The following ESRRG variants were observed in gnomAD, a reference collection of about 807,000 sequenced individuals.
ESRRG encodes the protein estrogen related receptor gamma.
In ESRRG, 13 loss-of-function variants were observed where a neutral mutation model predicts 44.0. The observed-to-expected ratio is 0.30, with a 90% confidence interval of 0.19 to 0.47. ESRRG has a LOEUF of 0.47. Among genes scored for constraint, ESRRG ranks in the 20% least tolerant of loss-of-function variants. ESRRG has a pLI of 1.00. For synonymous variants in ESRRG, 215 were observed against 214.6 expected, an observed-to-expected ratio of 1.00 and a Z score of -0.02; for missense variants, 395 against 580.6, an observed-to-expected ratio of 0.68 and a Z score of 3.29.
At chr1:216,517,981 T>C (rs913674108) in intron 6 of ESRRG, among the ~76,000 whole-genome samples, 2 of 152,132 alleles carry the variant, frequency 1.3e-5, no homozygotes, top group African/African-American at 4.8e-5. Context: ...CATGCATCAA[T>C]ATTGTAGATG....
At chr1:216,711,170 A>C (rs956082288) in intron 1 of ESRRG, among the ~76,000 whole-genome samples, 1 of 152,178 alleles carries the variant, frequency 6.6e-6, no homozygotes, top group Non-Finnish European at 1.5e-5. Context: ...GCAGGTGGGC[A>C]AGGAAAGCTC....
intron 2 of ESRRG, among the ~76,000 whole-genome samples, chr1:216,867,992 TA>T (rs2096196899): frequency 6.6e-6 from 1 of 150,946 alleles, no homozygotes; most frequent in Non-Finnish European, 1.5e-5. Context: ...GTGAATGTCA[TA>T]AAATGGGATA....
intron 2 of ESRRG, among the ~76,000 whole-genome samples, chr1:216,733,248 A>G (rs1466560547): frequency 1.4e-5 from 2 of 138,914 alleles, no homozygotes; most frequent in Admixed American, 7.2e-5. Context: ...GTATAAGGGC[A>G]TTTTTTTTTT....
At chr1:216,852,206 A>G (rs1360349675) in intron 2 of ESRRG, among the ~76,000 whole-genome samples, 1 of 152,194 alleles carries the variant, frequency 6.6e-6, no homozygotes, top group Non-Finnish European at 1.5e-5. Flanking sequence ...CATCATCACC[A>G]CCTTTAAAGA....
rs35043282 is a variant in ESRRG, at chr1:216,891,794, CTTT to C, written c.-14+47785_-14+47787del. On this transcript the variant is annotated intron_variant, in intron 2 of 7. Transcript: ENST00000359162. ...AAATATACTCTTAGTGTGGTGCCCG[CTTT>C]TTTTTTTTTTTTTTTTTTTTGAGAT... Among the ~76,000 whole-genome samples, 311 of 102,358 alleles carry C rather than the reference CTTT, an allele frequency of 3.0e-3. 1 individual carries two copies. Among genetic ancestry groups the C allele is most frequent in the African/African-American group, 0.013 (304 of 23,084 alleles). The allele number at this position is 102,358 out of a possible 152,430, so 67.2% of individuals were successfully genotyped here. A position where few individuals can be genotyped will look rare whatever the true frequency, so the allele number is the denominator to read the frequency against.
chr1:216,763,911 C>A (rs560704376), intron 2 of ESRRG, among the ~76,000 whole-genome samples: 9 of 152,074 alleles, frequency 5.9e-5, no homozygotes, highest in African/African-American at 1.9e-4. Flanking sequence ...ATATTTAGCA[C>A]CGAGTAGGTA....
intron 2 of ESRRG, among the ~76,000 whole-genome samples, chr1:216,888,275 G>A (rs970105309): frequency 6.6e-6 from 1 of 152,080 alleles, no homozygotes; most frequent in Non-Finnish European, 1.5e-5. Context: ...CCAATTCTGG[G>A]CTTCCTTTTC....
chr1:216,863,992 C>G (rs1297997850), intron 2 of ESRRG: 1 of 152,172 alleles, frequency 6.6e-6, no homozygotes, highest in African/African-American at 2.4e-5. Flanking sequence ...GACATCCTAG[C>G]TTCCCTGATC....
intron 3 of ESRRG, among the ~76,000 whole-genome samples, chr1:216,618,239 T>A (rs900989864): frequency 6.6e-6 from 1 of 152,238 alleles, no homozygotes; most frequent in African/African-American, 2.4e-5. Context: ...AAAGAACAGA[T>A]ATATTATGGA....
At chr1:217,021,221 A>G (rs1186186515) in intron 1 of ESRRG, among the ~76,000 whole-genome samples, 1 of 152,170 alleles carries the variant, frequency 6.6e-6, no homozygotes, top group Admixed American at 6.5e-5. Flanking sequence ...TAGTGGGACT[A>G]GCTGGTTGCC....
chr1:216,562,933 G>T (rs2059049796), intron 5 of ESRRG, among the ~76,000 whole-genome samples: 1 of 152,028 alleles, frequency 6.6e-6, no homozygotes, highest in African/African-American at 2.4e-5. Flanking sequence ...CTTACATCTT[G>T]CAGTAAATCC....
In ESRRG at chr1:216,545,992, T is replaced by A. The variant is rs147672102; in HGVS notation, c.862+18227A>T. Among the ~76,000 whole-genome samples, 1,173 of 152,204 alleles carry A rather than the reference T, an allele frequency of 7.7e-3. 7 individuals carry two copies. The highest frequency in any genetic ancestry group is 0.027 in the African/African-American group (1,114 of 41,556). On this transcript the variant is annotated intron_variant, in intron 5 of 6. Transcript: ENST00000408911. ...ATAATAAAACTATCCTACTTATGTA[T>A]TAATTTATAAGATTTGCAAAATTGA...
chr1:217,002,112 G>A (rs1303481740), intron 1 of ESRRG, among the ~76,000 whole-genome samples: 7 of 151,902 alleles, frequency 4.6e-5, no homozygotes, highest in Admixed American at 2.0e-4. Flanking sequence ...GACCAGCCTG[G>A]TCAACACGGC....
chr1:216,923,458 A>AT (rs553118420), intron 2 of ESRRG, among the ~76,000 whole-genome samples: 48 of 150,016 alleles, frequency 3.2e-4, no homozygotes, highest in African/African-American at 6.6e-4. Context: ...ACTTTTCTGC[A>AT]TTTTTTTTTT....
intron 3 of ESRRG, among the ~76,000 whole-genome samples, chr1:216,580,842 A>C (rs1480226391): frequency 6.6e-6 from 1 of 152,224 alleles, no homozygotes. Flanking sequence ...CATTAATGAA[A>C]CAGAAGAGCA....
In ESRRG at chr1:217,015,731, A is replaced by AATTTTT. The variant is rs759911532; in HGVS notation, c.-106+73775_-106+73776insAAAAAT. On this transcript the variant is annotated intron_variant, in intron 1 of 7. Transcript: ENST00000359162. ...GTGGGGGGTGAGAGGGGGCAGCTAG[A>AATTTTT]TTTTTTTTTTTTTTTGAGACAGAGT... 1.5e-4 allele frequency among the ~76,000 whole-genome samples: 21 copies of AATTTTT among 142,110 alleles called. 1 individual carries two copies. Among genetic ancestry groups the AATTTTT allele is most frequent in the Admixed American group, 2.1e-4 (3 of 14,138 alleles). The allele number at this position is 142,110 out of a possible 152,430, so 93.2% of individuals were successfully genotyped here. A position where few individuals can be genotyped will look rare whatever the true frequency, so the allele number is the denominator to read the frequency against.
intron 5 of ESRRG, among the ~76,000 whole-genome samples, chr1:216,555,193 G>T (rs567805270): frequency 6.6e-6 from 1 of 152,142 alleles, no homozygotes; most frequent in Non-Finnish European, 1.5e-5. Flanking sequence ...CATTCTTGGG[G>T]GAAAAAAAGC....
At chr1:216,979,184 A>C (rs934543944) in intron 1 of ESRRG, among the ~76,000 whole-genome samples, 1 of 151,980 alleles carries the variant, frequency 6.6e-6, no homozygotes, top group Non-Finnish European at 1.5e-5. Flanking sequence ...CACTGGCCCT[A>C]TCTTCTTCTG....
At chr1:216,885,536 C>G (rs2096502783) in intron 2 of ESRRG, among the ~76,000 whole-genome samples, 1 of 151,106 alleles carries the variant, frequency 6.6e-6, no homozygotes, top group South Asian at 2.2e-4. Context: ...AAAAGTCACC[C>G]ATTCTCCCAC....
Sources: allele counts gnomAD v4.1 joint callset (sites outside exome capture counted in the v4.1 genomes callset), GRCh38; gene constraint gnomAD v4.1.1; transcripts MANE v1.5; gene names NCBI Gene and HGNC (gene_info 2026-07-23, HGNC 2026-07-21).